CERKL: variants seen among roughly 807,000 people sequenced by gnomAD.
The protein encoded by CERKL is ceramide kinase-like protein.
A neutral mutation model predicts 63.4 loss-of-function variants in CERKL; 61 were observed. The ratio of observed to expected loss-of-function variants is 0.96; its 90% CI spans 0.78 to 1.19. The LOEUF (loss-of-function observed/expected upper bound fraction) is 1.19, where lower values mean the gene tolerates loss of function less well. Among genes scored for constraint, CERKL ranks in the 50% most tolerant of loss-of-function variants. The probability of loss-of-function intolerance (pLI) is 0.00; values close to 1 mark genes in which losing one functional copy is unlikely to be tolerated. For missense variants in CERKL, 675 were observed against 655.5 expected (o/e 1.03, Z -0.33); for synonymous variants, 250 against 230.5 (o/e 1.08, Z -0.77).
rs773352631 is a variant in CERKL, at chr2:181,656,760, G to A, written c.238+9C>T. The A allele has an allele frequency of 1.3e-6, 2 of 1,586,878 alleles. No individual in the cohort carries two copies. The highest frequency in any genetic ancestry group is 1.7e-6 in the Non-Finnish European group (2 of 1,166,948). The stretch of plus-strand genomic sequence containing the variant: ...AGGGAGGCGAAGACGCTTGGGGCCG[G>A]GCACTCACCCGCCGGGCGCTCGGGC... On this transcript the variant is annotated intron_variant, in intron 1 of 12. Transcript: ENST00000410087.
rs72883670 is a variant in CERKL, at chr2:181,548,511, C to T, written c.1133+34G>A. The T allele has an allele frequency of 0.13, 185,380 of 1,418,520 alleles. 13,696 individuals carry two copies. The highest frequency in any genetic ancestry group is 0.23 in the African/African-American group (16,004 of 70,900). The allele number at this position is 1,418,520 out of a possible 1,614,324, so 87.9% of individuals were successfully genotyped here. A position where few individuals can be genotyped will look rare whatever the true frequency, so the allele number is the denominator to read the frequency against. ...CAGAATGTTTTATGCTTTAAAGATA[C>T]AGGTTATCTGTATTACATTGAGTTT... On this transcript the variant is annotated intron_variant, in intron 8 of 12. Transcript: ENST00000410087.
intron 1 of CERKL, among the ~76,000 whole-genome samples, 163 bp downstream of exon 1, chr2:181,656,606 G>A (rs1345653939): frequency 1.3e-5 from 2 of 151,198 alleles, no homozygotes; most frequent in Non-Finnish European, 1.5e-5. Flanking sequence ...AGGAGGAGGC[G>A]GCGACTTGGG....
chr2:181,648,201 A>C lies in CERKL; in HGVS notation c.238+8568T>G, dbSNP rs535488659. On this transcript the variant is annotated intron_variant, in intron 1 of 12. Coordinates refer to ENST00000410087, the MANE Select transcript of CERKL (RefSeq NM_201548.5). ...ACCACAAAGATTCCCAATTAGATTAAACCCAAAAAGATTCTCTCTGTGGCA... is the reference window on the plus strand; with the variant it reads ...ACCACAAAGATTCCCAATTAGATTACACCCAAAAAGATTCTCTCTGTGGCA... Among the ~76,000 whole-genome samples the C allele has an allele frequency of 1.5e-3, 231 of 152,340 alleles. 1 individual carries two copies. The highest frequency in any genetic ancestry group is 5.1e-3 in the African/African-American group (214 of 41,584).
chr2:181,563,164 A>C (rs752494028), intron 4 of CERKL, among the ~76,000 whole-genome samples: 4 of 152,100 alleles, frequency 2.6e-5, no homozygotes, highest in Non-Finnish European at 2.9e-5. Context: ...TGCCCAGTAA[A>C]ATAGGGAGCA....
chr2:181,646,626 C>T (rs1687684070), intron 1 of CERKL, among the ~76,000 whole-genome samples: 1 of 152,200 alleles, frequency 6.6e-6, no homozygotes, highest in Admixed American at 6.5e-5. Context: ...GACCACAGTC[C>T]TTGGGACTCC....
intron 11 of CERKL, among the ~76,000 whole-genome samples, chr2:181,542,047 G>A (rs532704277): frequency 2.2e-4 from 33 of 152,228 alleles, no homozygotes; most frequent in African/African-American, 6.3e-4. Context: ...TCCAGGAGAC[G>A]GCATCCTGAG....
At chr2:181,584,697 G>A (rs1684683261) in intron 2 of CERKL, among the ~76,000 whole-genome samples, 1 of 151,212 alleles carries the variant, frequency 6.6e-6, no homozygotes, top group Non-Finnish European at 1.5e-5. Flanking sequence ...TCTCCTGCTT[G>A]CCTGTATCAA....
chr2:181,578,866 A>G (rs1312177523), intron 2 of CERKL, among the ~76,000 whole-genome samples: 1 of 152,016 alleles, frequency 6.6e-6, no homozygotes, highest in Non-Finnish European at 1.5e-5. Flanking sequence ...TTTACTGCAA[A>G]TAACAATGCA....
chr2:181,648,531 A>G (rs1441938048), intron 1 of CERKL, among the ~76,000 whole-genome samples: 1 of 152,224 alleles, frequency 6.6e-6, no homozygotes, highest in Non-Finnish European at 1.5e-5. Context: ...CAGCCTTACA[A>G]GCAATGTTTA....
At chr2:181,563,199 G>A (rs1236776613) in intron 4 of CERKL, among the ~76,000 whole-genome samples, 1 of 152,022 alleles carries the variant, frequency 6.6e-6, no homozygotes, top group Non-Finnish European at 1.5e-5. Context: ...GCTCTCATAA[G>A]GTTTAACAGT....
At chr2:181,584,801 C>G (rs866728830) in intron 2 of CERKL, among the ~76,000 whole-genome samples, 1 of 151,688 alleles carries the variant, frequency 6.6e-6, no homozygotes. Context: ...ATTAAAATCC[C>G]CAAATAGCTC....
intron 1 of CERKL, among the ~76,000 whole-genome samples, chr2:181,647,428 C>T (rs534070162): frequency 1.3e-5 from 2 of 152,210 alleles, no homozygotes; most frequent in African/African-American, 2.4e-5. Flanking sequence ...TGACAACTAG[C>T]ATGACATGCC....
Position 181,565,331 on chromosome 2 carries a change from C to G in CERKL, c.677+727G>C, listed in dbSNP as rs878952284. ...ATCTACTCACGTAAAAAGAACTTCC[C>G]TAAAGGAATATAATATGTTTTAGTC... On this transcript the variant is annotated intron_variant, in intron 4 of 12. Coordinates refer to ENST00000410087, the MANE Select transcript of CERKL (RefSeq NM_201548.5). 7.5e-5 allele frequency: 62 copies of G among 822,448 alleles called. 1 individual carries two copies. In the South Asian group the frequency reaches 7.9e-4, roughly 10 times the overall value. The allele number at this position is 822,448 out of a possible 1,614,324, so 50.9% of individuals were successfully genotyped here. A position where few individuals can be genotyped will look rare whatever the true frequency, so the allele number is the denominator to read the frequency against.
In CERKL at chr2:181,549,705, G is replaced by A. The variant is rs765183381; in HGVS notation, c.824C>T (p.Ser275Phe). 6.2e-7 allele frequency: 1 copy of A among 1,609,752 alleles called. No individual in the cohort carries two copies. Among genetic ancestry groups the A allele is most frequent in the Non-Finnish European group, 8.5e-7 (1 of 1,176,336 alleles). ...QLPLGLIPAG[S>F]TNVLAHSLHG... ...AAGAGAATGTGCCAATACATTGGTA[G>A]ATCCTGCCAAAGCAATTTTAAAACA... The change falls in exon 6 of 13, where the codon TCT (serine) becomes TTT (phenylalanine). Residue 275 changes from serine to phenylalanine, a missense_variant. Transcript: ENST00000410087.
intron 1 of CERKL, among the ~76,000 whole-genome samples, chr2:181,636,043 G>C (rs1687165822): frequency 6.6e-6 from 1 of 152,270 alleles, no homozygotes; most frequent in Non-Finnish European, 1.5e-5. Flanking sequence ...AGGAAATACA[G>C]ATCTTAGGCT....
intron 1 of CERKL, among the ~76,000 whole-genome samples, chr2:181,607,633 A>G (rs773142296): frequency 6.6e-6 from 1 of 152,206 alleles, no homozygotes; most frequent in Non-Finnish European, 1.5e-5. Flanking sequence ...TCAGCATATT[A>G]CCAGTCATTT....
intron 1 of CERKL, among the ~76,000 whole-genome samples, chr2:181,632,645 TAGTA>T (rs1431368973): frequency 6.6e-6 from 1 of 152,152 alleles, no homozygotes; most frequent in Non-Finnish European, 1.5e-5. Context: ...GTATAGGCAG[TAGTA>T]AGTATCAGAG....
chr2:181,645,311 C>T (rs1687622506), intron 1 of CERKL, among the ~76,000 whole-genome samples: 1 of 152,138 alleles, frequency 6.6e-6, no homozygotes, highest in Admixed American at 6.6e-5. Flanking sequence ...GTTCATGAGG[C>T]CAGTAAACCA....
intron 4 of CERKL, among the ~76,000 whole-genome samples, chr2:181,564,839 T>G (rs1463986326): frequency 6.6e-6 from 1 of 152,192 alleles, no homozygotes; most frequent in Non-Finnish European, 1.5e-5. Context: ...CCACAAGGAC[T>G]TTTCTTAAAT....
Sources: gnomAD v4.1 joint callset for allele counts (sites outside exome capture counted in the v4.1 genomes callset) on GRCh38, gnomAD v4.1.1 for gene constraint, MANE v1.5 for transcripts, NCBI Gene and HGNC (gene_info 2026-07-23, HGNC 2026-07-21) for gene names.